The following TBC1D22B variants were observed in gnomAD, a reference collection of about 807,000 sequenced individuals.
TBC1D22B encodes chromosome 6 open reading frame 197.
Under a neutral mutation model 69.1 loss-of-function variants are expected in TBC1D22B, and 32 were observed. The observed-to-expected ratio is 0.46, with a 90% CI of 0.35 to 0.62. The LOEUF is 0.62. Ranked by LOEUF, TBC1D22B falls within the 20% of genes least tolerant of loss-of-function variation. The probability of loss-of-function intolerance (pLI) is 0.00; values close to 1 mark genes in which losing one functional copy is unlikely to be tolerated. For synonymous variants in TBC1D22B, 206 were observed against 229.8 expected, an observed-to-expected ratio of 0.90 and a Z score of 0.94; for missense variants, 462 against 630.9, an observed-to-expected ratio of 0.73 and a Z score of 2.87.
chr6:37,267,515 A>G (rs1323514179), intron 1 of TBC1D22B, among the ~76,000 whole-genome samples: 4 of 137,434 alleles, frequency 2.9e-5, no homozygotes, highest in Non-Finnish European at 6.0e-5. Flanking sequence ...TATATATAAT[A>G]TATATATACA....
At chr6:37,324,223 G>T (rs1003311266) in intron 12 of TBC1D22B, 10 of 443,752 alleles carry the variant, frequency 2.3e-5, no homozygotes, top group African/African-American at 2.0e-4. Context: ...ATGTTCTTTT[G>T]TTGCTCATCA....
chr6:37,282,253 G>T lies in TBC1D22B; in HGVS notation c.490G>T (p.Val164Phe). ...CCCTCTCCGGCCCATCATCCCCCTC[G>T]TTGCCCGGATCTCGGATCAGAACGC... ...SLPLRPIIPL[V>F]ARISDQNASG... Residue 164 changes from valine (V) to phenylalanine (F), a missense_variant, in exon 4 of 13, where the codon GTT (valine) becomes TTT (phenylalanine). Val to Phe is a conservative substitution (Grantham distance 50, BLOSUM62 -1). This residue lies in a region of TBC1D22B where 237 missense variants were observed against 255.4 expected (regional missense o/e 0.93). Coordinates refer to ENST00000373491, the MANE Select transcript of TBC1D22B (RefSeq NM_017772.4). The T allele has an allele frequency of 6.2e-7, 1 of 1,614,016 alleles. No individual in the cohort carries two copies. Among genetic ancestry groups the T allele is most frequent in the Non-Finnish European group, 8.5e-7 (1 of 1,180,008 alleles).
At chr6:37,260,224 G>A (rs185248459) in intron 1 of TBC1D22B, among the ~76,000 whole-genome samples, 1 of 152,204 alleles carries the variant, frequency 6.6e-6, no homozygotes, top group Admixed American at 6.5e-5. Flanking sequence ...GTACTCTTTC[G>A]GTCTTAGAGA....
intron 8 of TBC1D22B, among the ~76,000 whole-genome samples, chr6:37,297,808 A>G (rs1404040125): frequency 2.0e-5 from 3 of 152,386 alleles, no homozygotes; most frequent in Non-Finnish European, 1.5e-5. Context: ...ATGCCCATCA[A>G]TGATAGACTG....
intron 8 of TBC1D22B, among the ~76,000 whole-genome samples, chr6:37,311,570 G>T (rs1203207364): frequency 6.6e-6 from 1 of 152,082 alleles, no homozygotes. Flanking sequence ...CTACTTGGGA[G>T]GCTGAGGTGG....
intron 8 of TBC1D22B, among the ~76,000 whole-genome samples, chr6:37,304,281 G>T (rs1427915086): frequency 6.6e-6 from 1 of 152,200 alleles, no homozygotes; most frequent in African/African-American, 2.4e-5. Context: ...CAAAAACCCT[G>T]CCTTCTACTT....
intron 10 of TBC1D22B, among the ~76,000 whole-genome samples, chr6:37,314,285 G>A (rs974736057): frequency 2.0e-5 from 3 of 152,064 alleles, no homozygotes; most frequent in Admixed American, 1.3e-4. Context: ...TTCTGGCCAC[G>A]TCCCTCTTCT....
intron 12 of TBC1D22B, among the ~76,000 whole-genome samples, chr6:37,327,262 AG>A (rs1768439432): frequency 2.1e-5 from 2 of 96,888 alleles, no homozygotes; most frequent in African/African-American, 1.1e-4. Context: ...GCGGATCACG[AG>A]GTCAGGAGAT....
intron 7 of TBC1D22B, among the ~76,000 whole-genome samples, chr6:37,290,419 A>G (rs998568964): frequency 2.6e-5 from 4 of 152,194 alleles, no homozygotes; most frequent in African/African-American, 7.2e-5. Context: ...GGTTGAGAGA[A>G]GATGGGGAGA....
intron 2 of TBC1D22B, among the ~76,000 whole-genome samples, chr6:37,271,291 C>G (rs916234110): frequency 2.6e-5 from 4 of 152,002 alleles, no homozygotes; most frequent in Non-Finnish European, 5.9e-5. Context: ...CCACCCTGGG[C>G]AACAGAGCAA....
intron 8 of TBC1D22B, among the ~76,000 whole-genome samples, chr6:37,301,042 A>T (rs763707540): frequency 1.2e-4 from 19 of 152,190 alleles, no homozygotes; most frequent in Admixed American, 3.9e-4. Flanking sequence ...TAGATACCTC[A>T]TGTAAGTGGA....
chr6:37,266,968 A>G (rs1583523052), intron 1 of TBC1D22B, among the ~76,000 whole-genome samples: 1 of 100,616 alleles, frequency 9.9e-6, no homozygotes, highest in Non-Finnish European at 1.8e-5. Flanking sequence ...ATAAGGACTT[A>G]CTCTGTTGCC....
chr6:37,282,226 C>T lies in TBC1D22B; in HGVS notation c.463C>T (p.Leu155Phe). ...GAACCCACTCCACAAACAGCAATCA[C>T]TCCCTCTCCGGCCCATCATCCCCCT... Reference protein sequence around the residue: ...LRNPLHKQQSLPLRPIIPLVA... With the variant: ...LRNPLHKQQSFPLRPIIPLVA... Residue 155 changes from leucine (L) to phenylalanine (F), a missense_variant, in exon 4 of 13, where the codon CTC becomes TTC. By Grantham distance (22) the Leu-to-Phe change is conservative. Around this residue, in one of 2 missense-constraint regions of TBC1D22B, gnomAD observed 237 missense variants for 255.4 expected, o/e 0.93. Transcript: ENST00000373491. 1.2e-6 allele frequency: 2 copies of T among 1,614,224 alleles called. No homozygotes were observed. Among genetic ancestry groups the T allele is most frequent in the Non-Finnish European group, 1.7e-6 (2 of 1,180,048 alleles).
At chr6:37,313,128 C>A in intron 9 of TBC1D22B, 104 bp downstream of exon 9, 1 of 823,740 alleles carries the variant, frequency 1.2e-6, no homozygotes, top group Non-Finnish European at 2.1e-6. Flanking sequence ...GACCACCCAC[C>A]CACCCACTAT....
intron 1 of TBC1D22B, among the ~76,000 whole-genome samples, chr6:37,262,970 C>T (rs896690859): frequency 1.4e-4 from 21 of 152,192 alleles, no homozygotes; most frequent in African/African-American, 4.8e-4. Flanking sequence ...TCCATTTTGT[C>T]TGCGTGGCAG....
At chr6:37,259,015 A>AT (rs11379140) in intron 1 of TBC1D22B, among the ~76,000 whole-genome samples, 89,346 of 137,870 alleles carry the variant, frequency 0.65, 28,799 homozygotes, top group East Asian at 0.84. Context: ...AAGAGCCTTA[A>AT]TTTTTTTTTT....
At chr6:37,282,749 C>T in intron 4 of TBC1D22B, 133 bp from the exon 5 acceptor site, 1 of 879,450 alleles carries the variant, frequency 1.1e-6, no homozygotes, top group Non-Finnish European at 1.8e-6. Flanking sequence ...TTGGGCTTTT[C>T]ACTGTGCTTA....
chr6:37,261,670 G>A (rs1286631202), intron 1 of TBC1D22B, among the ~76,000 whole-genome samples: 6 of 152,062 alleles, frequency 3.9e-5, no homozygotes, highest in Non-Finnish European at 8.8e-5. Flanking sequence ...TTATAAGAAG[G>A]ATAGTTACGA....
rs1768097466 is a variant in TBC1D22B at position 37,316,814 on chromosome 6, T to G, written c.1277T>G (p.Leu426Arg). ...CTTCCTCTTCGCTGCACCATCCGCC[T>G]GTGGGACACATATCAGGTAGGAGGG... ...RELPLRCTIRLWDTYQSEPEG... is the reference protein window; with the variant it reads ...RELPLRCTIRRWDTYQSEPEG... The change falls in exon 11 of 13, where the codon CTG (leucine) becomes CGG (arginine). Residue 426 changes from leucine (L) to arginine (R), a missense_variant. Transcript: ENST00000373491. 6.2e-7 allele frequency: 1 copy of G among 1,614,116 alleles called. No individual in the cohort carries two copies. Among genetic ancestry groups the G allele is most frequent in the Non-Finnish European group, 8.5e-7 (1 of 1,180,052 alleles).
Sources: gnomAD v4.1 joint callset for allele counts (sites outside exome capture counted in the v4.1 genomes callset) on GRCh38, gnomAD v4.1.1 for gene constraint, gnomAD v4.1.1 regional missense constraint, MANE v1.5 for transcripts, NCBI Gene and HGNC (gene_info 2026-07-23, HGNC 2026-07-21) for gene names.